SYT16: variants seen among roughly 807,000 people sequenced by gnomAD.
SYT16 encodes synaptotagmin-16.
SYT16 carries 42 observed loss-of-function variants against 61.4 expected under a neutral mutation model. The observed-to-expected ratio is 0.68, with a 90% CI of 0.53 to 0.89. The LOEUF (loss-of-function observed/expected upper bound fraction) is 0.89. Ranked by LOEUF, SYT16 falls within the 40% of genes least tolerant of loss-of-function variation. SYT16 has a pLI of 0.00. For synonymous variants in SYT16, 314 were observed against 302.3 expected (o/e 1.04, Z -0.40); for missense variants, 804 against 807.3 (o/e 1.00, Z 0.05).
chr14:62,079,366 A>C, intron 5 of SYT16: 1 of 1,222,858 alleles, frequency 8.2e-7, no homozygotes, highest in African/African-American at 1.6e-5. Flanking sequence ...AAAGAAAAGG[A>C]TATTTATTAG....
chr14:62,100,704 C>A lies in SYT16; in HGVS notation c.1935C>A (p.Ser645=), dbSNP rs566279420. ...QICRWHTLLE[S] is the part of the protein sequence containing the mutation. ...GCAGATGGCACACTTTGCTGGAATCCTAGGTTTGCTAACCTGCATTTGTGT... is the reference window on the plus strand; with the variant it reads ...GCAGATGGCACACTTTGCTGGAATCATAGGTTTGCTAACCTGCATTTGTGT... Residue 645 remains serine (S), a synonymous_variant, in exon 8 of 8, where the codon TCC becomes TCA. Coordinates refer to ENST00000683842, the MANE Select transcript of SYT16 (RefSeq NM_001367656.1). 1 of 1,611,554 alleles carries A rather than the reference C, an allele frequency of 6.2e-7. No homozygotes were observed. Among genetic ancestry groups the A allele is most frequent in the South Asian group, 1.1e-5 (1 of 90,774 alleles).
chr14:61,826,147 A>C (rs2045765203), intron 1 of SYT16, among the ~76,000 whole-genome samples: 1 of 150,314 alleles, frequency 6.7e-6, no homozygotes, highest in African/African-American at 2.5e-5. Context: ...CTGTCCTGGC[A>C]GCTCAGGTGC....
At chr14:62,047,760 T>C (rs1382789254) in intron 3 of SYT16, among the ~76,000 whole-genome samples, 1 of 152,226 alleles carries the variant, frequency 6.6e-6, no homozygotes, top group Non-Finnish European at 1.5e-5. Context: ...TGGTTCTGTT[T>C]ATATGCTGGA....
At chr14:61,829,438 G>A (rs2140231110) in intron 1 of SYT16, among the ~76,000 whole-genome samples, 1 of 152,178 alleles carries the variant, frequency 6.6e-6, no homozygotes, top group East Asian at 1.9e-4. Context: ...TCAATCTCTA[G>A]ATTTATGTCT....
intron 1 of SYT16, among the ~76,000 whole-genome samples, chr14:61,938,302 C>T (rs971676388): frequency 1.3e-5 from 2 of 151,836 alleles, no homozygotes; most frequent in African/African-American, 2.4e-5. Context: ...GGGGAGGATA[C>T]AAGGAATATT....
At chr14:62,025,499 C>T (rs1031764272) in intron 3 of SYT16, among the ~76,000 whole-genome samples, 5 of 152,054 alleles carry the variant, frequency 3.3e-5, no homozygotes, top group Non-Finnish European at 5.9e-5. Context: ...AGAAAACAAT[C>T]GTTTATCAGA....
At chr14:62,048,346 A>G (rs1477405073) in intron 3 of SYT16, among the ~76,000 whole-genome samples, 3 of 151,948 alleles carry the variant, frequency 2.0e-5, no homozygotes, top group African/African-American at 4.8e-5. Context: ...TTTTTATTGC[A>G]TCTATTTGAT....
chr14:61,898,083 G>A (rs566422979), intron 1 of SYT16, among the ~76,000 whole-genome samples: 1 of 152,072 alleles, frequency 6.6e-6, no homozygotes, highest in Non-Finnish European at 1.5e-5. Context: ...CATCCCTAGC[G>A]CCCGTTACCC....
chr14:61,906,724 TCCATCCATCCATCCATCCA>T (rs2048727676), intron 1 of SYT16, among the ~76,000 whole-genome samples: 1 of 114,726 alleles, frequency 8.7e-6, no homozygotes, highest in Non-Finnish European at 1.9e-5. Flanking sequence ...CATCCATCCA[TCCATCCATCCATCCATCCA>T]TCCATCCTTC....
chr14:61,821,700 C>CA (rs2045624013), intron 1 of SYT16, among the ~76,000 whole-genome samples: 1 of 152,232 alleles, frequency 6.6e-6, no homozygotes, highest in South Asian at 2.1e-4. Flanking sequence ...GACATTCCAT[C>CA]ACCTTTGCTG....
intron 1 of SYT16, among the ~76,000 whole-genome samples, chr14:61,929,811 A>G (rs754035057): frequency 2.6e-5 from 4 of 152,218 alleles, no homozygotes; most frequent in Non-Finnish European, 4.4e-5. Flanking sequence ...TGGCTTAAAT[A>G]TGGTTTTAAA....
intron 3 of SYT16, among the ~76,000 whole-genome samples, chr14:62,064,010 A>C (rs1286165789): frequency 6.6e-6 from 1 of 152,210 alleles, no homozygotes; most frequent in Non-Finnish European, 1.5e-5. Context: ...TTCAAGGTGT[A>C]TCCACATTTA....
At chr14:61,946,359 GGA>G (rs2050437000) in intron 1 of SYT16, among the ~76,000 whole-genome samples, 1 of 152,080 alleles carries the variant, frequency 6.6e-6, no homozygotes, top group Admixed American at 6.5e-5. Context: ...GGATATGCGT[GGA>G]ATATCCACTC....
At chr14:61,837,727 G>T (rs1020629683) in intron 1 of SYT16, among the ~76,000 whole-genome samples, 7 of 152,190 alleles carry the variant, frequency 4.6e-5, no homozygotes, top group Admixed American at 6.5e-5. Context: ...CTTTCTCTGT[G>T]CATTCCAGAA....
intron 3 of SYT16, among the ~76,000 whole-genome samples, chr14:61,997,562 T>C (rs1023152885): frequency 6.6e-6 from 1 of 152,096 alleles, no homozygotes; most frequent in Non-Finnish European, 1.5e-5. Context: ...TAATGCTCTC[T>C]TGATACTTTT....
At chr14:61,976,321 G>A (rs781172904) in intron 2 of SYT16, among the ~76,000 whole-genome samples, 19 of 152,178 alleles carry the variant, frequency 1.2e-4, no homozygotes, top group African/African-American at 3.6e-4. Context: ...CCATTCTTGG[G>A]TCTGGAGGAT....
intron 1 of SYT16, among the ~76,000 whole-genome samples, chr14:61,891,847 G>A (rs2048143182): frequency 6.6e-6 from 1 of 152,156 alleles, no homozygotes; most frequent in African/African-American, 2.4e-5. Flanking sequence ...TGCTGGCTGT[G>A]TTATATAATT....
chr14:61,992,125 A>G (rs1477285071), intron 2 of SYT16, among the ~76,000 whole-genome samples: 1 of 152,126 alleles, frequency 6.6e-6, no homozygotes, highest in East Asian at 1.9e-4. Flanking sequence ...GAAACGTTAT[A>G]TCATAAAGGC....
chr14:62,033,335 T>G (rs2054379374), intron 3 of SYT16, among the ~76,000 whole-genome samples: 1 of 152,118 alleles, frequency 6.6e-6, no homozygotes, highest in Non-Finnish European at 1.5e-5. Context: ...AGTGTATAAA[T>G]CTTGGTTATC....
Sources: gnomAD v4.1 joint callset for allele counts (sites outside exome capture counted in the v4.1 genomes callset) on GRCh38, gnomAD v4.1.1 for gene constraint, MANE v1.5 for transcripts, NCBI Gene and HGNC (gene_info 2026-07-23, HGNC 2026-07-21) for gene names.